Variants in SEPTIN9 observed in about 807,000 individuals in gnomAD.
SEPTIN9 encodes septin 9, also known as septin-9.
Under a neutral mutation model 56.6 loss-of-function variants are expected in SEPTIN9, and 13 were observed. That is an observed-to-expected ratio of 0.23 (90% CI 0.15 to 0.37). SEPTIN9 has a LOEUF of 0.37. Among genes scored for constraint, SEPTIN9 ranks in the 10% least tolerant of loss-of-function variants. The probability of loss-of-function intolerance (pLI) is 1.00; values close to 1 mark genes in which losing one functional copy is unlikely to be tolerated. For synonymous variants in SEPTIN9, 332 were observed against 334.1 expected, an observed-to-expected ratio of 0.99 and a Z score of 0.07; for missense variants, 650 against 823.1, an observed-to-expected ratio of 0.79 and a Z score of 2.57.
chr17:77,370,775 A>G (rs1197562453), intron 2 of SEPTIN9, among the ~76,000 whole-genome samples: 2 of 152,118 alleles, frequency 1.3e-5, no homozygotes, highest in East Asian at 3.8e-4. Context: ...GGCCCTAGAA[A>G]AGGGGGGTGG....
Position 77,432,668 on chromosome 17 carries a change from G to T in SEPTIN9, c.721+29965G>T, listed in dbSNP as rs781672175. 9.9e-5 allele frequency among the ~76,000 whole-genome samples: 15 copies of T among 152,240 alleles called. 1 individual carries two copies. The highest frequency in any genetic ancestry group is 7.9e-4 in the Admixed American group (12 of 15,286). On this transcript the variant is annotated intron_variant, in intron 3 of 11. Transcript: ENST00000427177. ...AGTGGGGTTTTTGTGGGGACTGAGCGGGGGGTGTGTGAGGCCCTGGAAATG... is the reference window on the plus strand; with the variant it reads ...AGTGGGGTTTTTGTGGGGACTGAGCTGGGGGTGTGTGAGGCCCTGGAAATG...
Position 77,475,859 on chromosome 17 carries a change from A to T in SEPTIN9, c.722-6285A>T. On this transcript the variant is annotated intron_variant, in intron 3 of 11. Transcript: ENST00000427177. The surrounding 1 kb of genome is among the most constrained non-coding windows in gnomAD (Gnocchi z 4.6). ...ACAGGCCTCCGTGGGCAGGAGGAGG[A>T]TGACCTTGCATTCTGCTTGGCCACC... 6.2e-7 allele frequency: 1 copy of T among 1,613,252 alleles called. No homozygotes were observed.
At chr17:77,482,710 C>T (rs775949022) in intron 4 of SEPTIN9, 8 of 582,962 alleles carry the variant, frequency 1.4e-5, no homozygotes, top group African/African-American at 2.1e-5. Flanking sequence ...GGCTCCCCAC[C>T]GCACCCCACC....
chr17:77,352,974 T>C (rs533523564), intron 2 of SEPTIN9, among the ~76,000 whole-genome samples: 1 of 152,346 alleles, frequency 6.6e-6, no homozygotes, highest in East Asian at 1.9e-4. Context: ...AAGACACCTG[T>C]CATTGGATTT....
chr17:77,412,512 G>A (rs530022527), intron 3 of SEPTIN9, among the ~76,000 whole-genome samples: 7 of 152,224 alleles, frequency 4.6e-5, no homozygotes, highest in Admixed American at 3.3e-4. Context: ...TGAAGTGGGC[G>A]GATTGCTTGA....
chr17:77,464,508 T>G (rs1469908029), intron 3 of SEPTIN9, among the ~76,000 whole-genome samples: 1 of 152,158 alleles, frequency 6.6e-6, no homozygotes, highest in Non-Finnish European at 1.5e-5. Flanking sequence ...GGTTAAATAT[T>G]AAACTCATCC....
At chr17:77,408,674 G>A (rs1342407105) in intron 3 of SEPTIN9, among the ~76,000 whole-genome samples, 1 of 152,044 alleles carries the variant, frequency 6.6e-6, no homozygotes, top group East Asian at 1.9e-4. Flanking sequence ...CCTGAGTGGG[G>A]GGTGGGGAGG....
chr17:77,447,701 C>T (rs191434143), intron 3 of SEPTIN9, among the ~76,000 whole-genome samples: 2 of 152,320 alleles, frequency 1.3e-5, no homozygotes, highest in East Asian at 3.9e-4. Flanking sequence ...CTCAGCTCAC[C>T]GCAACCTCCT....
chr17:77,347,011 A>G (rs147843291), intron 2 of SEPTIN9, among the ~76,000 whole-genome samples: 2,688 of 152,246 alleles, frequency 0.018, 47 homozygotes, highest in Non-Finnish European at 0.022. Flanking sequence ...TGAGCACTAC[A>G]ATCTGTTTAT....
rs142621650 is a variant in SEPTIN9, at chr17:77,404,857, C to G, written c.721+2154C>G. Reference sequence around the variant, plus strand: ...AGCTTGACTCTGAAGAGCCACCCTGCCCCAGCCACCCAGACTCAGTGACAG... The same window carrying G: ...AGCTTGACTCTGAAGAGCCACCCTGGCCCAGCCACCCAGACTCAGTGACAG... On this transcript the variant is annotated intron_variant, in intron 3 of 11. Coordinates refer to ENST00000427177, the MANE Select transcript of SEPTIN9 (RefSeq NM_001113491.2). 3.7e-3 allele frequency among the ~76,000 whole-genome samples: 560 copies of G among 152,330 alleles called. 1 individual carries two copies. The highest frequency in any genetic ancestry group is 0.013 in the African/African-American group (529 of 41,568).
intron 2 of SEPTIN9, among the ~76,000 whole-genome samples, chr17:77,364,890 G>A (rs1159446801): frequency 1.3e-5 from 2 of 152,252 alleles, no homozygotes. Context: ...GCAGGCCCAG[G>A]CCGCTGAGGC....
At chr17:77,343,003 GTCTATCTA>G (rs139340887) in intron 2 of SEPTIN9, among the ~76,000 whole-genome samples, 27,683 of 147,156 alleles carry the variant, frequency 0.19, 3,014 homozygotes, top group Middle Eastern at 0.27. Context: ...CTGTCTGTCT[GTCTATCTA>G]TCTATCTATC....
chr17:77,430,285 G>C (rs1051131654), intron 3 of SEPTIN9, among the ~76,000 whole-genome samples: 1 of 152,146 alleles, frequency 6.6e-6, no homozygotes, highest in Admixed American at 6.5e-5. Flanking sequence ...TCCTTGGAGA[G>C]GACTTTGAAG....
At chr17:77,351,373 T>C (rs2034060009) in intron 2 of SEPTIN9, among the ~76,000 whole-genome samples, 1 of 152,144 alleles carries the variant, frequency 6.6e-6, no homozygotes, top group African/African-American at 2.4e-5. Context: ...ATGTTTTTGT[T>C]GCTGCTCGTT....
chr17:77,456,690 G>C lies in SEPTIN9; in HGVS notation c.722-25454G>C, dbSNP rs1006219472. On this transcript the variant is annotated intron_variant, in intron 3 of 11. Coordinates refer to ENST00000427177, the MANE Select transcript of SEPTIN9 (RefSeq NM_001113491.2). The surrounding 1 kb of genome is among the most constrained non-coding windows in gnomAD (Gnocchi z 6.0). ...TACCAGGTCTCAGGGACCAGCACCG[G>C]GTACCCACAGCCAGGGACGGGCCCC... Among the ~76,000 whole-genome samples, 1 of 151,244 alleles carries C rather than the reference G, an allele frequency of 6.6e-6. No homozygotes were observed. Among genetic ancestry groups the C allele is most frequent in the African/African-American group, 2.4e-5 (1 of 41,086 alleles).
At chr17:77,477,967 G>A (rs2039293298) in intron 3 of SEPTIN9, among the ~76,000 whole-genome samples, 1 of 152,132 alleles carries the variant, frequency 6.6e-6, no homozygotes, top group South Asian at 2.1e-4. Flanking sequence ...GGTGCGATGG[G>A]GATCTCAACG....
chr17:77,498,505 C>CT lies in SEPTIN9; in HGVS notation c.1626-18_1626-17insT. 6.7e-6 allele frequency: 3 copies of CT among 450,486 alleles called. No individual in the cohort carries two copies. Among genetic ancestry groups the CT allele is most frequent in the Admixed American group, 3.0e-5 (1 of 33,184 alleles). 27.9% of individuals were successfully genotyped at this position (450,486 alleles called of 1,614,324 possible). ...GCTGCGCCCACCTCACTGACCCGCCCGCCCCCCACCCCCACAGGACGCACA... is the reference window on the plus strand; with the variant it reads ...GCTGCGCCCACCTCACTGACCCGCCCTGCCCCCCACCCCCACAGGACGCACA... On this transcript the variant is annotated splice_polypyrimidine_tract_variant and intron_variant, in intron 11 of 11. Coordinates refer to ENST00000427177, the MANE Select transcript of SEPTIN9 (RefSeq NM_001113491.2).
intron 1 of SEPTIN9, among the ~76,000 whole-genome samples, chr17:77,282,439 T>C (rs547044096): frequency 1.3e-5 from 2 of 152,286 alleles, no homozygotes; most frequent in East Asian, 3.9e-4. Context: ...TTTAATTCAT[T>C]CAGATAGAAA....
At chr17:77,360,715 C>T (rs2034388050) in intron 2 of SEPTIN9, among the ~76,000 whole-genome samples, 1 of 152,142 alleles carries the variant, frequency 6.6e-6, no homozygotes, top group African/African-American at 2.4e-5. Context: ...CAGGCGCCCG[C>T]CACCACACCC....
Sources: allele counts gnomAD v4.1 joint callset (sites outside exome capture counted in the v4.1 genomes callset), GRCh38; gene constraint gnomAD v4.1.1; non-coding constraint Gnocchi (gnomAD v3.1); transcripts MANE v1.5; gene names NCBI Gene and HGNC (gene_info 2026-07-23, HGNC 2026-07-21).